ERC1: variants seen among roughly 807,000 people sequenced by gnomAD.
ERC1 encodes the protein RAB6 interacting protein 2.
In ERC1, 56 loss-of-function variants were observed where a neutral mutation model predicts 132.0. That is an observed-to-expected ratio of 0.42 (90% confidence interval 0.34 to 0.53). The LOEUF (loss-of-function observed/expected upper bound fraction) is 0.53. Ranked by LOEUF, ERC1 falls within the 20% of genes least tolerant of loss-of-function variation. The probability of loss-of-function intolerance (pLI) is 0.03; values close to 1 mark genes in which losing one functional copy is unlikely to be tolerated. For missense variants in ERC1, 1,202 were observed against 1,349.9 expected, an observed-to-expected ratio of 0.89 and a Z score of 1.72; for synonymous variants, 478 against 476.1, an observed-to-expected ratio of 1.00 and a Z score of -0.05.
chr12:1,387,350 G>A (rs552625969), intron 16 of ERC1, among the ~76,000 whole-genome samples: 2 of 152,148 alleles, frequency 1.3e-5, no homozygotes, highest in Non-Finnish European at 2.9e-5. Flanking sequence ...AATTTGGTGG[G>A]ACTAGAAGGC....
rs538802682 is a variant in ERC1 at position 1,028,107 on chromosome 12, C to A, written c.204C>A (p.Thr68=). 1.2e-6 allele frequency: 2 copies of A among 1,614,198 alleles called. No individual in the cohort carries two copies. Among genetic ancestry groups the A allele is most frequent in the South Asian group, 2.2e-5 (2 of 91,070 alleles). Residue 68 remains threonine, a synonymous_variant, in exon 2 of 19, where the codon ACC becomes ACA. Transcript: ENST00000360905. Reference sequence around the variant, plus strand: ...AATCTTTAAATGCTGCCTATGCCACCTCTGGCCCTATGTATCTAAGTGACC... The same window carrying A: ...AATCTTTAAATGCTGCCTATGCCACATCTGGCCCTATGTATCTAAGTGACC... The part of the protein sequence containing the change: ...NIQSLNAAYA[T]SGPMYLSDHE...
intron 2 of ERC1, among the ~76,000 whole-genome samples, chr12:1,072,525 C>T (rs1247301641): frequency 3.9e-5 from 6 of 151,980 alleles, no homozygotes; most frequent in Non-Finnish European, 8.8e-5. Context: ...GCAAAAGAGT[C>T]TCAGACGCAT....
intron 13 of ERC1, among the ~76,000 whole-genome samples, chr12:1,246,257 G>A (rs1476055678): frequency 6.6e-6 from 1 of 151,108 alleles, no homozygotes; most frequent in Non-Finnish European, 1.5e-5. Flanking sequence ...ATAGGTGGGA[G>A]AGTGCTTAAA....
intron 7 of ERC1, among the ~76,000 whole-genome samples, chr12:1,118,836 A>G (rs973481592): frequency 3.9e-5 from 6 of 152,210 alleles, no homozygotes; most frequent in African/African-American, 1.4e-4. Context: ...TAAATTAAGT[A>G]TATATGAAAA....
intron 16 of ERC1, chr12:1,390,697 G>C (rs912430273): frequency 3.3e-5 from 5 of 152,182 alleles, no homozygotes; most frequent in Admixed American, 2.6e-4. Context: ...ATGAATTTTG[G>C]AGTATTAAAT....
intron 16 of ERC1, among the ~76,000 whole-genome samples, chr12:1,400,928 T>G (rs866971715): frequency 1.4e-5 from 1 of 69,568 alleles, no homozygotes; most frequent in African/African-American, 8.3e-5. Flanking sequence ...TTTTTTTTTT[T>G]TTTTTTTTTT....
intron 14 of ERC1, among the ~76,000 whole-genome samples, chr12:1,277,282 A>C (rs2078339665): frequency 6.6e-6 from 1 of 152,226 alleles, no homozygotes; most frequent in Non-Finnish European, 1.5e-5. Flanking sequence ...ATAATTCAAA[A>C]CATTCTGCAG....
At chr12:1,354,483 G>A (rs538246793) in intron 15 of ERC1, among the ~76,000 whole-genome samples, 26 of 151,468 alleles carry the variant, frequency 1.7e-4, no homozygotes, top group African/African-American at 3.9e-4. Context: ...AGATTGCCCC[G>A]TTGCATTCCA....
intron 15 of ERC1, among the ~76,000 whole-genome samples, chr12:1,328,900 G>A (rs1397956093): frequency 1.7e-5 from 2 of 120,794 alleles, no homozygotes. Context: ...CTCTGTTCTT[G>A]GGGAGGGAGG....
chr12:1,141,749 G>A lies in ERC1; in HGVS notation c.1699G>A (p.Asp567Asn). The A allele has an allele frequency of 6.2e-7, 1 of 1,610,962 alleles. No individual in the cohort carries two copies. The highest frequency in any genetic ancestry group is 8.5e-7 in the Non-Finnish European group (1 of 1,178,466). ...GEIHDLKDMLDVKERKVNVLQ... is the reference protein window; with the variant it reads ...GEIHDLKDMLNVKERKVNVLQ... ...GATACATGACCTCAAGGACATGTTG[G>A]ATGTGAAGGAGCGGAAGGTTAATGT... The change falls in exon 8 of 19, where the codon GAT (aspartate) becomes AAT (asparagine). Residue 567 changes from aspartate to asparagine, a missense_variant. Physicochemically the swap from Asp to Asn is conservative, Grantham distance 23. Coordinates refer to ENST00000360905, the MANE Select transcript of ERC1 (RefSeq NM_178040.4).
chr12:1,380,191 G>A (rs2088475218), intron 16 of ERC1: 1 of 152,246 alleles, frequency 6.6e-6, no homozygotes, highest in Non-Finnish European at 1.5e-5. Flanking sequence ...CCTGCAGGGG[G>A]AAAGGGACAA....
chr12:1,403,567 C>T (rs1591809809), intron 16 of ERC1, among the ~76,000 whole-genome samples: 1 of 152,102 alleles, frequency 6.6e-6, no homozygotes, highest in South Asian at 2.1e-4. Context: ...TGATCATCTT[C>T]GTGTCTTTTT....
intron 15 of ERC1, among the ~76,000 whole-genome samples, chr12:1,355,094 C>A (rs2085394745): frequency 6.6e-6 from 1 of 152,080 alleles, no homozygotes; most frequent in South Asian, 2.1e-4. Flanking sequence ...TTTCAGGGGC[C>A]AGATTGTAAA....
chr12:1,320,445 T>C (rs964312747), intron 15 of ERC1, among the ~76,000 whole-genome samples: 1 of 152,230 alleles, frequency 6.6e-6, no homozygotes, highest in Admixed American at 6.5e-5. Context: ...CACCCTTTTC[T>C]TTCCAGCAGA....
intron 2 of ERC1, among the ~76,000 whole-genome samples, chr12:1,071,242 G>A (rs1940297121): frequency 6.6e-6 from 1 of 152,182 alleles, no homozygotes; most frequent in African/African-American, 2.4e-5. Context: ...GGGTCCTAGG[G>A]TGGTGCATAC....
chr12:1,028,353 A>G lies in ERC1; in HGVS notation c.450A>G (p.Thr150=). Reference sequence around the variant, plus strand: ...CCCTTCGTCAGGCGAGAGATAACACAATCATGGATCTGCAGACACAGCTGA... The same window carrying G: ...CCCTTCGTCAGGCGAGAGATAACACGATCATGGATCTGCAGACACAGCTGA... ...PHSLRQARDN[T]IMDLQTQLKE... The change falls in exon 2 of 19, where the codon ACA becomes ACG. Residue 150 remains threonine (T), a synonymous_variant. Transcript: ENST00000360905. 1 of 1,614,198 alleles carries G rather than the reference A, an allele frequency of 6.2e-7. No homozygotes were observed. The highest frequency in any genetic ancestry group is 2.2e-5 in the East Asian group (1 of 44,884).
intron 15 of ERC1, among the ~76,000 whole-genome samples, chr12:1,292,803 G>C (rs1175097875): frequency 3.9e-5 from 6 of 152,062 alleles, no homozygotes; most frequent in African/African-American, 7.2e-5. Flanking sequence ...CTGAGGTCAG[G>C]AGTTCTAGAC....
intron 16 of ERC1, among the ~76,000 whole-genome samples, chr12:1,396,281 T>C (rs1163120983): frequency 6.6e-6 from 1 of 152,196 alleles, no homozygotes; most frequent in Admixed American, 6.5e-5. Context: ...TAAAGGAATT[T>C]TTATAGAAAA....
chr12:1,484,108 T>G (rs79509017), intron 18 of ERC1, among the ~76,000 whole-genome samples: 6,623 of 150,654 alleles, frequency 0.044, 486 homozygotes, highest in African/African-American at 0.15. Flanking sequence ...GATCAAGACC[T>G]TCCTGGCTAA....
Sources: gnomAD v4.1 joint callset for allele counts (sites outside exome capture counted in the v4.1 genomes callset) on GRCh38, gnomAD v4.1.1 for gene constraint, MANE v1.5 for transcripts, NCBI Gene and HGNC (gene_info 2026-07-23, HGNC 2026-07-21) for gene names.